The following CSNK1D variants were observed in gnomAD, a reference collection of about 807,000 sequenced individuals.
CSNK1D encodes casein kinase I isoform delta.
CSNK1D carries 16 observed loss-of-function variants against 46.6 expected under a neutral mutation model. The ratio of observed to expected loss-of-function variants is 0.34; its 90% CI spans 0.23 to 0.52. The LOEUF (loss-of-function observed/expected upper bound fraction) is 0.52. Ranked by LOEUF, CSNK1D falls within the 20% of genes least tolerant of loss-of-function variation. The pLI is 0.95. For missense variants in CSNK1D, 398 were observed against 578.4 expected (o/e 0.69, Z 3.20); for synonymous variants, 276 against 228.2 (o/e 1.21, Z -1.89).
At position 82,251,547 on chromosome 17, in the gene CSNK1D, A is replaced by G. The variant is rs367739927; in HGVS notation, c.737-20T>C. 1.5e-5 allele frequency: 25 copies of G among 1,613,370 alleles called. No homozygotes were observed. The highest frequency in any genetic ancestry group is 2.0e-5 in the Non-Finnish European group (24 of 1,179,784). ...ATTCGGCTACAAAACAAGAAACTCAAAGCTAACTCATGAAACCCAACTGCG... is the reference window on the plus strand; with the variant it reads ...ATTCGGCTACAAAACAAGAAACTCAGAGCTAACTCATGAAACCCAACTGCG... On this transcript the variant is annotated intron_variant, in intron 5 of 8. Coordinates refer to ENST00000314028, the MANE Select transcript of CSNK1D (RefSeq NM_001893.6). The surrounding 1 kb of genome is among the most constrained non-coding windows in gnomAD (Gnocchi z 4.5).
At chr17:82,271,070 G>A (rs1287684154) in intron 1 of CSNK1D, among the ~76,000 whole-genome samples, 1 of 152,146 alleles carries the variant, frequency 6.6e-6, no homozygotes, top group Non-Finnish European at 1.5e-5. Flanking sequence ...TAGTTTCAAA[G>A]TACTTCTTAT....
downstream of CSNK1D, chr17:82,239,872 C>G (rs571451542): frequency 1.6e-5 from 10 of 625,498 alleles, no homozygotes; most frequent in Non-Finnish European, 2.3e-5. Flanking sequence ...TCCATCCAGC[C>G]CGGCCCAGCG....
At position 82,249,600 on chromosome 17, in the gene CSNK1D, A is replaced by G; in HGVS notation, c.888T>C (p.Gly296=). The change falls in exon 7 of 9, where the codon GGT becomes GGC. Residue 296 remains glycine (G), a splice_region_variant and synonymous_variant. Coordinates refer to ENST00000314028, the MANE Select transcript of CSNK1D (RefSeq NM_001893.6). This position sits in a 1 kb window ranked among gnomAD's most constrained non-coding sequence, Gnocchi z 6.7. ...YVFDWNMLKF[G]ASRAADDAER... is the part of the protein sequence containing the mutation. ...CGGCGTCATCGGCGGCCCGGCTGGC[A>G]CCCTGAGGAGGCAGGAGGTGAGGCC... 2 of 1,559,876 alleles carry G rather than the reference A, an allele frequency of 1.3e-6. No homozygotes were observed. The highest frequency in any genetic ancestry group is 1.7e-6 in the Non-Finnish European group (2 of 1,157,624).
chr17:82,246,336 A>G, intron 8 of CSNK1D: 1 of 1,315,092 alleles, frequency 7.6e-7, no homozygotes, highest in Non-Finnish European at 9.8e-7. Context: ...GCAGGATGGC[A>G]GGTGCTGGGC....
Position 82,250,641 on chromosome 17 carries a change from C to A in CSNK1D, c.885+738G>T, listed in dbSNP as rs192699662. 3.6e-4 allele frequency: 64 copies of A among 176,134 alleles called. 1 individual carries two copies. The Middle Eastern group carries it at 0.013, about 34-fold the overall frequency. The allele number at this position is 176,134 out of a possible 1,614,324, so 10.9% of individuals were successfully genotyped here. A position where few individuals can be genotyped will look rare whatever the true frequency, so the allele number is the denominator to read the frequency against. On this transcript the variant is annotated intron_variant, in intron 6 of 8. Coordinates refer to ENST00000314028, the MANE Select transcript of CSNK1D (RefSeq NM_001893.6). This position sits in a 1 kb window ranked among gnomAD's most constrained non-coding sequence, Gnocchi z 4.6. ...GAACAGAGTGCACCCCTCCCAGCAT[C>A]TGGAGACCCCGCCCCTCCCTGGCCC...
intron 2 of CSNK1D, among the ~76,000 whole-genome samples, chr17:82,257,446 A>G (rs1304514818): frequency 6.6e-6 from 1 of 152,176 alleles, no homozygotes; most frequent in Non-Finnish European, 1.5e-5. Flanking sequence ...GTTTTTTTTT[A>G]AAGTGTTAAA....
intron 2 of CSNK1D, chr17:82,260,849 CGACTGATGT>C (rs1429949320): frequency 1.3e-5 from 2 of 152,646 alleles, no homozygotes; most frequent in African/African-American, 2.4e-5. Flanking sequence ...GATGGTGTAC[CGACTGATGT>C]GACTGATGAT....
In CSNK1D at chr17:82,265,800, G is replaced by T. The variant is rs200271989; in HGVS notation, c.77-4C>A. ...TCTCCTGCAGCAATGTCCGTACCTT[G>T]GCAAAGAAAGAAAACCACAACAGGA... On this transcript the variant is annotated splice_polypyrimidine_tract_variant and splice_region_variant and intron_variant, in intron 1 of 8. Transcript: ENST00000314028. The T allele has an allele frequency of 1.9e-6, 3 of 1,612,316 alleles. No homozygotes were observed. In the East Asian group the frequency reaches 6.7e-5, roughly 36 times the overall value.
intron 2 of CSNK1D, among the ~76,000 whole-genome samples, chr17:82,263,846 C>T (rs1379125101): frequency 6.6e-6 from 1 of 152,220 alleles, no homozygotes; most frequent in Non-Finnish European, 1.5e-5. Flanking sequence ...GGCTCCAGGC[C>T]CTTGAGAAGC....
rs114390603 is a variant in CSNK1D, at chr17:82,269,279, C to A, written c.77-3483G>T. Among the ~76,000 whole-genome samples, 512 of 152,218 alleles carry A rather than the reference C, an allele frequency of 3.4e-3. 6 individuals carry two copies. Among genetic ancestry groups the A allele is most frequent in the African/African-American group, 0.012 (500 of 41,514 alleles). ...CCTTGAGCAGCAGGACAAAGGTCAACTCGCAGGGCAGCGGTCAGCAGTACC... is the reference window on the plus strand; with the variant it reads ...CCTTGAGCAGCAGGACAAAGGTCAAATCGCAGGGCAGCGGTCAGCAGTACC... On this transcript the variant is annotated intron_variant, in intron 1 of 8. Coordinates refer to ENST00000314028, the MANE Select transcript of CSNK1D (RefSeq NM_001893.6).
intron 2 of CSNK1D, among the ~76,000 whole-genome samples, chr17:82,263,678 C>T (rs1172584149): frequency 6.6e-6 from 1 of 152,250 alleles, no homozygotes; most frequent in Non-Finnish European, 1.5e-5. Flanking sequence ...CTTGTGTACC[C>T]CTGGCTTGCA....
chr17:82,251,271 GAC>G lies in CSNK1D; in HGVS notation c.885+106_885+107del. On this transcript the variant is annotated intron_variant, in intron 6 of 8. Coordinates refer to ENST00000314028, the MANE Select transcript of CSNK1D (RefSeq NM_001893.6). The surrounding 1 kb of genome is among the most constrained non-coding windows in gnomAD (Gnocchi z 4.5). The stretch of plus-strand genomic sequence containing the variant: ...TACACACTTGCCCTTCACAACCAGA[GAC>G]ACTCCCTATATGGTACAGCCCCTCA... The G allele has an allele frequency of 6.7e-6, 9 of 1,339,400 alleles. No individual in the cohort carries two copies. The highest frequency in any genetic ancestry group is 9.5e-6 in the Non-Finnish European group (9 of 945,950). 83.0% of individuals were successfully genotyped at this position (1,339,400 alleles called of 1,614,324 possible).
rs556628681 is a variant in CSNK1D, at chr17:82,248,514, G to A, written c.1197+361C>T. ...GGAAGAATGAGGAAGGCTCCCTCGG[G>A]CTGGGGGCACCCACAATGGGGCGCA... On this transcript the variant is annotated intron_variant, in intron 8 of 8. Transcript: ENST00000314028. This position sits in a 1 kb window ranked among gnomAD's most constrained non-coding sequence, Gnocchi z 4.1. 5 of 1,127,390 alleles carry A rather than the reference G, an allele frequency of 4.4e-6. No homozygotes were observed. The highest frequency in any genetic ancestry group is 4.1e-4 in the Middle Eastern group (1 of 2,438). The allele number at this position is 1,127,390 out of a possible 1,614,324, so 69.8% of individuals were successfully genotyped here. A position where few individuals can be genotyped will look rare whatever the true frequency, so the allele number is the denominator to read the frequency against.
chr17:82,245,963 C>T (rs771327823), intron 8 of CSNK1D: 48 of 1,595,940 alleles, frequency 3.0e-5, no homozygotes, highest in Admixed American at 8.7e-5. Flanking sequence ...GCGCCCGCCA[C>T]GCGCACACTC....
chr17:82,272,480 T>C (rs968186903), intron 1 of CSNK1D, among the ~76,000 whole-genome samples: 1 of 152,248 alleles, frequency 6.6e-6, no homozygotes, highest in Admixed American at 6.5e-5. Flanking sequence ...AAATCTACCT[T>C]GAGACTGTTA....
chr17:82,254,836 C>A, intron 3 of CSNK1D, among the ~76,000 whole-genome samples: 1 of 134,948 alleles, frequency 7.4e-6, no homozygotes. Flanking sequence ...GTCAGCTGAG[C>A]CGCCGGGGCC....
chr17:82,255,285 C>T lies in CSNK1D; in HGVS notation c.336+144G>A, dbSNP rs1020145063. 61 of 974,024 alleles carry T rather than the reference C, an allele frequency of 6.3e-5. No homozygotes were observed. The highest frequency in any genetic ancestry group is 9.3e-5 in the Non-Finnish European group (58 of 621,816). 60.3% of individuals were successfully genotyped at this position (974,024 alleles called of 1,614,324 possible). A position where few individuals can be genotyped will look rare whatever the true frequency, so the allele number is the denominator to read the frequency against. On this transcript the variant is annotated intron_variant, in intron 3 of 8. Transcript: ENST00000314028. The surrounding 1 kb of genome is among the most constrained non-coding windows in gnomAD (Gnocchi z 5.9). ...AGCCTCGAGAAGCCAGTGAGCTGAG[C>T]CACTGCAGCCTCAAGGCTGAGGCTC...
rs1218893523 is a variant in CSNK1D at position 82,250,265 on chromosome 17, C to A, written c.886-663G>T. 1.2e-5 allele frequency: 15 copies of A among 1,221,768 alleles called. No individual in the cohort carries two copies. The African/African-American group carries it at 2.0e-4, about 16-fold the overall frequency. 75.7% of individuals were successfully genotyped at this position (1,221,768 alleles called of 1,614,324 possible). The stretch of plus-strand genomic sequence containing the variant: ...CCGGGGCCAAACCCAGGTGCCACTT[C>A]TTCCTGCAAGTACAGCTCATTGGAC... On this transcript the variant is annotated intron_variant, in intron 6 of 8. Transcript: ENST00000314028. This position sits in a 1 kb window ranked among gnomAD's most constrained non-coding sequence, Gnocchi z 4.6.
In CSNK1D at chr17:82,243,156, C is replaced by G. The variant is rs1447246822; in HGVS notation, c.*1625G>C. The G allele has an allele frequency of 3.3e-5, 33 of 985,458 alleles. No individual in the cohort carries two copies. The highest frequency in any genetic ancestry group is 3.9e-5 in the Non-Finnish European group (32 of 830,030). 61.0% of individuals were successfully genotyped at this position (985,458 alleles called of 1,614,324 possible). A position where few individuals can be genotyped will look rare whatever the true frequency, so the allele number is the denominator to read the frequency against. Reference sequence around the variant, plus strand: ...AGTAACCAGCCTAGGATTGAGAAAGCATCCATGGGCTCAGGCAGACGGCCA... The same window carrying G: ...AGTAACCAGCCTAGGATTGAGAAAGGATCCATGGGCTCAGGCAGACGGCCA... On this transcript the variant is annotated 3_prime_UTR_variant, in exon 9 of 9. Coordinates refer to ENST00000314028, the MANE Select transcript of CSNK1D (RefSeq NM_001893.6).
Sources: gnomAD v4.1 joint callset for allele counts (sites outside exome capture counted in the v4.1 genomes callset) on GRCh38, gnomAD v4.1.1 for gene constraint, Gnocchi (gnomAD v3.1) non-coding constraint, MANE v1.5 for transcripts, NCBI Gene and HGNC (gene_info 2026-07-23, HGNC 2026-07-21) for gene names.